Variants in PARD3B observed in about 807,000 individuals in gnomAD.
PARD3B encodes the protein partitioning defective 3 homolog B.
A neutral mutation model predicts 130.2 loss-of-function variants in PARD3B; 103 were observed. The observed-to-expected ratio is 0.79, with a 90% CI of 0.67 to 0.93. The LOEUF (loss-of-function observed/expected upper bound fraction) is 0.93, where lower values mean the gene tolerates loss of function less well. Ranked by LOEUF, PARD3B falls within the 40% of genes least tolerant of loss-of-function variation. The pLI is 0.00. For missense variants in PARD3B, 1,609 were observed against 1,499.2 expected, an observed-to-expected ratio of 1.07 and a Z score of -1.21; for synonymous variants, 583 against 553.2, an observed-to-expected ratio of 1.05 and a Z score of -0.76.
chr2:204,809,177 A>G (rs2042877249), intron 2 of PARD3B, among the ~76,000 whole-genome samples: 1 of 150,910 alleles, frequency 6.6e-6, no homozygotes, highest in East Asian at 1.9e-4. Flanking sequence ...TGGATATTAG[A>G]CCTTTGTCAT....
chr2:204,975,139 A>G (rs1324882221), intron 3 of PARD3B, among the ~76,000 whole-genome samples: 1 of 152,186 alleles, frequency 6.6e-6, no homozygotes, highest in Admixed American at 6.5e-5. Context: ...CAGACTCTTC[A>G]TGTGTACCAT....
intron 1 of PARD3B, among the ~76,000 whole-genome samples, chr2:204,587,369 A>G (rs1268083800): frequency 1.3e-5 from 2 of 152,206 alleles, no homozygotes; most frequent in East Asian, 1.9e-4. Context: ...TCTATTTCCC[A>G]TCTACTTTAA....
chr2:205,531,513 A>G (rs1486572203), intron 21 of PARD3B, among the ~76,000 whole-genome samples: 1 of 152,134 alleles, frequency 6.6e-6, no homozygotes, highest in African/African-American at 2.4e-5. Context: ...TCTAAATCCA[A>G]TTCATTAGTT....
chr2:204,860,973 G>A (rs765032868), intron 2 of PARD3B, among the ~76,000 whole-genome samples: 9 of 152,078 alleles, frequency 5.9e-5, no homozygotes, highest in Non-Finnish European at 1.2e-4. Flanking sequence ...AGTTTTCCCT[G>A]CAAATGCTAT....
chr2:204,635,868 T>C (rs369499717), intron 1 of PARD3B, among the ~76,000 whole-genome samples: 1 of 152,208 alleles, frequency 6.6e-6, no homozygotes, highest in Non-Finnish European at 1.5e-5. Context: ...TAAAAAATAA[T>C]GTGATAGTCT....
chr2:205,310,469 C>T (rs938350167), intron 18 of PARD3B, among the ~76,000 whole-genome samples: 2 of 152,032 alleles, frequency 1.3e-5, no homozygotes, highest in African/African-American at 4.8e-5. Flanking sequence ...TGAAAGTTTG[C>T]ATCCTTTGAC....
intron 4 of PARD3B, among the ~76,000 whole-genome samples, chr2:205,087,992 A>G (rs1440398480): frequency 3.3e-5 from 5 of 152,230 alleles, no homozygotes; most frequent in African/African-American, 1.2e-4. Flanking sequence ...CAATTATTCT[A>G]GTTCACAGCA....
intron 2 of PARD3B, among the ~76,000 whole-genome samples, chr2:204,731,181 CAATT>C (rs1475702723): frequency 6.6e-6 from 1 of 152,132 alleles, no homozygotes; most frequent in Non-Finnish European, 1.5e-5. Context: ...TAATATTAAA[CAATT>C]AATGCTTTGG....
At chr2:205,177,506 T>C (rs957181334) in intron 13 of PARD3B, among the ~76,000 whole-genome samples, 4 of 152,230 alleles carry the variant, frequency 2.6e-5, no homozygotes, top group Non-Finnish European at 2.9e-5. Context: ...AGTAGTTGCA[T>C]AGTGTCTTTT....
At chr2:205,272,593 G>A (rs2040773910) in intron 16 of PARD3B, among the ~76,000 whole-genome samples, 1 of 152,116 alleles carries the variant, frequency 6.6e-6, no homozygotes, top group Non-Finnish European at 1.5e-5. Context: ...GGCAGGCTAG[G>A]GTTGGTACAG....
chr2:205,060,312 C>T (rs1166511129), intron 4 of PARD3B, among the ~76,000 whole-genome samples: 1 of 152,088 alleles, frequency 6.6e-6, no homozygotes, highest in Non-Finnish European at 1.5e-5. Context: ...TACAGTTAGT[C>T]TCAGACTGTT....
intron 15 of PARD3B, among the ~76,000 whole-genome samples, chr2:205,207,630 C>A (rs1211195174): frequency 2.8e-5 from 4 of 143,666 alleles, no homozygotes; most frequent in Non-Finnish European, 6.0e-5. Context: ...GAAATGGATA[C>A]ATTCCTCGAC....
intron 12 of PARD3B, among the ~76,000 whole-genome samples, chr2:205,175,602 T>G (rs1181970398): frequency 6.6e-6 from 1 of 152,210 alleles, no homozygotes; most frequent in Non-Finnish European, 1.5e-5. Context: ...TGTGGTACAT[T>G]CTTCTCACAA....
chr2:205,489,500 T>TATATATACGTATATATAAAC (rs1559141226), intron 20 of PARD3B, among the ~76,000 whole-genome samples: 1 of 139,404 alleles, frequency 7.2e-6, no homozygotes, highest in Non-Finnish European at 1.5e-5. Flanking sequence ...TATGTGTGTA[T>TATATATACGTATATATAAAC]ATATATATAC....
chr2:205,362,654 T>G (rs2044434370), intron 18 of PARD3B, among the ~76,000 whole-genome samples: 3 of 152,222 alleles, frequency 2.0e-5, no homozygotes, highest in Admixed American at 2.0e-4. Flanking sequence ...TATACTTGCT[T>G]TCCACTTGTC....
In PARD3B at chr2:205,187,287, A is replaced by G. The variant is rs562586693; in HGVS notation, c.2024+1424A>G. 1.5e-4 allele frequency among the ~76,000 whole-genome samples: 23 copies of G among 152,298 alleles called. No individual in the cohort carries two copies. Among genetic ancestry groups the G allele is most frequent in the African/African-American group, 5.3e-4 (22 of 41,578 alleles). ...GAAACAGCATAGAGACGGGAGAGTA[A>G]ATTGAATTGTACAAGGTGGAGCTGA... On this transcript the variant is annotated intron_variant, in intron 14 of 22. Transcript: ENST00000406610. The surrounding 1 kb of genome is among the most constrained non-coding windows in gnomAD (Gnocchi z 4.9).
rs529241232 is a variant in PARD3B, at chr2:204,890,821, C to T, written c.223-74331C>T. Among the ~76,000 whole-genome samples the T allele has an allele frequency of 5.3e-5, 8 of 152,310 alleles. No individual in the cohort carries two copies. In the East Asian group the frequency reaches 1.3e-3, roughly 26 times the overall value. On this transcript the variant is annotated intron_variant, in intron 2 of 22. Coordinates refer to ENST00000406610, the MANE Select transcript of PARD3B (RefSeq NM_001302769.2). This position sits in a 1 kb window ranked among gnomAD's most constrained non-coding sequence, Gnocchi z 4.9. ...GTGATAGCACGTTTCACTGCAGCTA[C>T]TACAGCATCTTTGCTGTCTGGAGGG...
At chr2:205,086,307 T>TA (rs1701738750) in intron 4 of PARD3B, among the ~76,000 whole-genome samples, 1 of 152,200 alleles carries the variant, frequency 6.6e-6, no homozygotes, top group Non-Finnish European at 1.5e-5. Context: ...TGGAAAGCCA[T>TA]ATAGTGCAGA....
At chr2:205,156,172 A>G (rs1424952735) in intron 10 of PARD3B, among the ~76,000 whole-genome samples, 1 of 150,394 alleles carries the variant, frequency 6.6e-6, no homozygotes, top group Non-Finnish European at 1.5e-5. Context: ...ACAAAAAACC[A>G]AACACCACAT....
Sources: gnomAD v4.1 joint callset for allele counts (sites outside exome capture counted in the v4.1 genomes callset) on GRCh38, gnomAD v4.1.1 for gene constraint, Gnocchi (gnomAD v3.1) non-coding constraint, MANE v1.5 for transcripts, NCBI Gene and HGNC (gene_info 2026-07-23, HGNC 2026-07-21) for gene names.